The following TNFRSF6B variants were observed in gnomAD, a reference collection of about 807,000 sequenced individuals.
TNFRSF6B encodes tumor necrosis factor receptor superfamily member 6B.
A neutral mutation model predicts 17.9 loss-of-function variants in TNFRSF6B; 23 were observed. The ratio of observed to expected loss-of-function variants is 1.28; its 90% confidence interval spans 0.92 to 1.82. TNFRSF6B has a LOEUF of 1.82. TNFRSF6B is among the 40% of genes most tolerant of loss of function. TNFRSF6B has a pLI of 0.00. For synonymous variants in TNFRSF6B, 291 were observed against 195.8 expected (o/e 1.49, Z -4.06); for missense variants, 555 against 437.2 (o/e 1.27, Z -2.40).
rs757105777 is a variant in TNFRSF6B at position 63,697,034 on chromosome 20, C to T, written c.267C>T (p.Arg89=). 6 of 1,607,614 alleles carry T rather than the reference C, an allele frequency of 3.7e-6. No homozygotes were observed. The highest frequency in any genetic ancestry group is 3.4e-6 in the Non-Finnish European group (4 of 1,179,100). Residue 89 remains arginine, a synonymous_variant, in exon 1 of 3, where the codon CGC becomes CGT. Coordinates refer to ENST00000369996, the MANE Select transcript of TNFRSF6B (RefSeq NM_003823.4). ...TQFWNYLERC[R]YCNVLCGERE... ...TCTGGAACTACCTAGAGCGCTGCCGCTACTGCAACGTCCTCTGCGGGGAGC... is the reference window on the plus strand; with the variant it reads ...TCTGGAACTACCTAGAGCGCTGCCGTTACTGCAACGTCCTCTGCGGGGAGC...
Position 63,696,766 on chromosome 20 carries a change from C to T in TNFRSF6B, c.-2C>T. On this transcript the variant is annotated 5_prime_UTR_variant, in exon 1 of 3. Coordinates refer to ENST00000369996, the MANE Select transcript of TNFRSF6B (RefSeq NM_003823.4). Reference sequence around the variant, plus strand: ...CGCGCTCTCCCTGCTCCAGCAAGGACCATGAGGGCGCTGGAGGGGCCAGGC... The same window carrying T: ...CGCGCTCTCCCTGCTCCAGCAAGGATCATGAGGGCGCTGGAGGGGCCAGGC... 1 of 1,581,054 alleles carries T rather than the reference C, an allele frequency of 6.3e-7. No homozygotes were observed. The highest frequency in any genetic ancestry group is 8.6e-7 in the Non-Finnish European group (1 of 1,162,676).
Position 63,696,880 on chromosome 20 carries a change from G to A in TNFRSF6B, c.113G>A (p.Trp38Ter), listed in dbSNP as rs1048911626. The A allele has an allele frequency of 1.2e-6, 2 of 1,611,828 alleles. No homozygotes were observed. The highest frequency in any genetic ancestry group is 1.7e-6 in the Non-Finnish European group (2 of 1,179,488). Residue 38 changes from tryptophan (W) to a stop codon, truncating the protein, a stop_gained, in exon 1 of 3, where the codon TGG becomes TAG. Coordinates refer to ENST00000369996, the MANE Select transcript of TNFRSF6B (RefSeq NM_003823.4). LOFTEE classifies it high-confidence loss of function. ...GTGGCAGAAACACCCACCTACCCCTGGCGGGACGCAGAGACAGGGGAGCGG... is the reference window on the plus strand; with the variant it reads ...GTGGCAGAAACACCCACCTACCCCTAGCGGGACGCAGAGACAGGGGAGCGG... ...RGVAETPTYP[W>*]RDAETGERLV...
Position 63,697,159 on chromosome 20 carries a change from C to G in TNFRSF6B, c.392C>G (p.Ser131Trp), listed in dbSNP as rs1011672485. ...GCTGGTTTCTGCTTGGAGCACGCAT[C>G]GTGTCCACCTGGTGCCGGCGTGATT... ...AHAGFCLEHA[S>W]CPPGAGVIAP... The change falls in exon 1 of 3, where the codon TCG (serine) becomes TGG (tryptophan). Residue 131 changes from serine (S) to tryptophan (W), a missense_variant. Coordinates refer to ENST00000369996, the MANE Select transcript of TNFRSF6B (RefSeq NM_003823.4). The G allele has an allele frequency of 1.3e-6, 2 of 1,572,452 alleles. No homozygotes were observed. Among genetic ancestry groups the G allele is most frequent in the Admixed American group, 3.7e-5 (2 of 54,214 alleles).
In TNFRSF6B at chr20:63,697,329, C is replaced by T; in HGVS notation, c.426C>T (p.Gly142=). 1 of 1,601,034 alleles carries T rather than the reference C, an allele frequency of 6.2e-7. No homozygotes were observed. The highest frequency in any genetic ancestry group is 8.5e-7 in the Non-Finnish European group (1 of 1,176,304). ...CCTGTTCTTCCCTCCTGGCTGCAGG[C>T]ACCCCCAGCCAGAACACGCAGTGCC... ...CPPGAGVIAP[G]TPSQNTQCQP... The change falls in exon 2 of 3, where the codon GGC becomes GGT. Residue 142 remains glycine (G), a splice_region_variant and synonymous_variant. Coordinates refer to ENST00000369996, the MANE Select transcript of TNFRSF6B (RefSeq NM_003823.4).
At chr20:63,698,190 G>A (rs1016814428) in intron 2 of TNFRSF6B, 90 bp from the exon 3 acceptor site, 268 of 1,510,670 alleles carry the variant, frequency 1.8e-4, no homozygotes, top group Middle Eastern at 7.1e-4. Context: ...CAAACCCCCC[G>A]AGTGGGGCCC....
In TNFRSF6B at chr20:63,698,411, G is replaced by A. The variant is rs755157676; in HGVS notation, c.751G>A (p.Ala251Thr). The change falls in exon 3 of 3, where the codon GCG (alanine) becomes ACG (threonine). Residue 251 changes from alanine (A) to threonine (T), a missense_variant. Ala to Thr is a moderately conservative substitution (Grantham distance 58). Transcript: ENST00000369996. ...GGGTCCGACACCAAGGGCGGGCCGC[G>A]CGGCCTTGCAGCTGAAGCTGCGTCG... is the stretch of plus-strand genomic sequence containing the variant. ...GWGPTPRAGR[A>T]ALQLKLRRRL... The A allele has an allele frequency of 8.2e-6, 13 of 1,593,540 alleles. No homozygotes were observed. Among genetic ancestry groups the A allele is most frequent in the African/African-American group, 2.7e-5 (2 of 73,308 alleles).
chr20:63,698,672 C>T lies in TNFRSF6B; in HGVS notation c.*109C>T, dbSNP rs2091042753. The T allele has an allele frequency of 2.3e-6, 3 of 1,288,876 alleles. No individual in the cohort carries two copies. The highest frequency in any genetic ancestry group is 3.1e-5 in the East Asian group (1 of 32,160). The allele number at this position is 1,288,876 out of a possible 1,614,324, so 79.8% of individuals were successfully genotyped here. A position where few individuals can be genotyped will look rare whatever the true frequency, so the allele number is the denominator to read the frequency against. ...TTTCTTAAAGCTTATTTTTATAAAG[C>T]TTTTTCATAAAACTGGTTGTAGTTG... is the stretch of plus-strand genomic sequence containing the variant. On this transcript the variant is annotated 3_prime_UTR_variant, in exon 3 of 3. Transcript: ENST00000369996.
intron 2 of TNFRSF6B, 95 bp downstream of exon 2, chr20:63,697,617 C>T (rs2145490107): frequency 7.5e-7 from 1 of 1,335,482 alleles, no homozygotes; most frequent in East Asian, 2.6e-5. Flanking sequence ...TGAGGCATGC[C>T]AGCTGGCTCT....
rs762235799 is a variant in TNFRSF6B at position 63,696,962 on chromosome 20, C to T, written c.195C>T (p.Asp65=). 4.4e-6 allele frequency: 7 copies of T among 1,607,062 alleles called. No individual in the cohort carries two copies. Among genetic ancestry groups the T allele is most frequent in the African/African-American group, 1.3e-5 (1 of 74,398 alleles). ...TTGTGCAGCGGCCGTGCCGCCGAGACAGCCCCACGACGTGTGGCCCGTGTC... is the reference window on the plus strand; with the variant it reads ...TTGTGCAGCGGCCGTGCCGCCGAGATAGCCCCACGACGTGTGGCCCGTGTC... The part of the protein sequence containing the change: ...GTFVQRPCRR[D]SPTTCGPCPP... Residue 65 remains aspartate (D), a synonymous_variant, in exon 1 of 3, where the codon GAC becomes GAT. Transcript: ENST00000369996.
intron 1 of TNFRSF6B, 45 bp from the exon 2 acceptor site, chr20:63,697,283 T>C (rs1022996360): frequency 6.3e-7 from 1 of 1,583,044 alleles, no homozygotes; most frequent in Non-Finnish European, 8.6e-7. Flanking sequence ...CACCCTGAGC[T>C]AGGACACCAG....
intron 2 of TNFRSF6B, 152 bp downstream of exon 2, chr20:63,697,674 G>A (rs2091012114): frequency 3.5e-6 from 3 of 853,874 alleles, no homozygotes; most frequent in Non-Finnish European, 5.2e-6. Flanking sequence ...CCCTCCACTA[G>A]ATCCCCACCA....
Position 63,698,368 on chromosome 20 carries a change from C to G in TNFRSF6B, c.708C>G (p.Leu236=), listed in dbSNP as rs548373058. Residue 236 remains leucine (L), a synonymous_variant, in exon 3 of 3, where the codon CTC becomes CTG. Coordinates refer to ENST00000369996, the MANE Select transcript of TNFRSF6B (RefSeq NM_003823.4). ...GGCTGCAGCGGCTGCTGCAGGCCCT[C>G]GAGGCCCCGGAGGGCTGGGGTCCGA... ...IKRLQRLLQA[L]EAPEGWGPTP... The G allele has an allele frequency of 6.2e-7, 1 of 1,609,598 alleles. No individual in the cohort carries two copies. The highest frequency in any genetic ancestry group is 1.1e-5 in the South Asian group (1 of 90,900).
intron 1 of TNFRSF6B, 50 bp downstream of exon 1, chr20:63,697,241 T>C: frequency 6.5e-7 from 1 of 1,548,082 alleles, no homozygotes; most frequent in East Asian, 2.4e-5. Context: ...GCCGGAGGTG[T>C]GGCAGGGGTC....
At position 63,698,600 on chromosome 20, in the gene TNFRSF6B, C is replaced by T; in HGVS notation, c.*37C>T. The T allele has an allele frequency of 3.4e-6, 5 of 1,455,932 alleles. No homozygotes were observed. The highest frequency in any genetic ancestry group is 3.6e-6 in the Non-Finnish European group (4 of 1,106,512). 90.2% of individuals were successfully genotyped at this position (1,455,932 alleles called of 1,614,324 possible). A position where few individuals can be genotyped will look rare whatever the true frequency, so the allele number is the denominator to read the frequency against. ...TCTTATTTATTCTACATCCTTGGCA[C>T]CCCACTTGCACTGAAAGAGGCTTTT... On this transcript the variant is annotated 3_prime_UTR_variant, in exon 3 of 3. Coordinates refer to ENST00000369996, the MANE Select transcript of TNFRSF6B (RefSeq NM_003823.4).
In TNFRSF6B at chr20:63,697,187, C is replaced by T. The variant is rs1385919944; in HGVS notation, c.420C>T (p.Ala140=). The T allele has an allele frequency of 6.4e-6, 10 of 1,559,454 alleles. No individual in the cohort carries two copies. The highest frequency in any genetic ancestry group is 1.7e-4 in the Middle Eastern group (1 of 5,786). Residue 140 remains alanine (A), a synonymous_variant, in exon 1 of 3, where the codon GCC becomes GCT. Transcript: ENST00000369996. ...GTCCACCTGGTGCCGGCGTGATTGC[C>T]CCGGGTGAGAGCTGGGCGAGGGGAG... ...ASCPPGAGVI[A]PGTPSQNTQC... is the part of the protein sequence containing the mutation.
chr20:63,697,213 G>T (rs746318599), intron 1 of TNFRSF6B, 22 bp downstream of exon 1: 450 of 1,551,950 alleles, frequency 2.9e-4, no homozygotes, highest in Non-Finnish European at 3.8e-4. Context: ...GCGAGGGGAG[G>T]GGCCCCCAGG....
In TNFRSF6B at chr20:63,698,569, G is replaced by C. The variant is rs761858643; in HGVS notation, c.*6G>C. ...GCTTCCTCCCTGTGCACTGATCCTG[G>C]CCCCCTCTTATTTATTCTACATCCT... On this transcript the variant is annotated 3_prime_UTR_variant, in exon 3 of 3. Transcript: ENST00000369996. 1 of 1,483,814 alleles carries C rather than the reference G, an allele frequency of 6.7e-7. No homozygotes were observed. The highest frequency in any genetic ancestry group is 1.3e-5 in the South Asian group (1 of 74,176). 91.9% of individuals were successfully genotyped at this position (1,483,814 alleles called of 1,614,324 possible). A position where few individuals can be genotyped will look rare whatever the true frequency, so the allele number is the denominator to read the frequency against.
Position 63,698,401 on chromosome 20 carries a change from G to T in TNFRSF6B, c.741G>T (p.Arg247Ser), listed in dbSNP as rs1311088046. The change falls in exon 3 of 3, where the codon AGG becomes AGT. Residue 247 changes from arginine (R) to serine (S), a missense_variant. Coordinates refer to ENST00000369996, the MANE Select transcript of TNFRSF6B (RefSeq NM_003823.4). ...EAPEGWGPTP[R>S]AGRAALQLKL... is the part of the protein sequence containing the mutation. The stretch of plus-strand genomic sequence containing the variant: ...CGGAGGGCTGGGGTCCGACACCAAG[G>T]GCGGGCCGCGCGGCCTTGCAGCTGA... 1 of 1,599,630 alleles carries T rather than the reference G, an allele frequency of 6.3e-7. No individual in the cohort carries two copies. The highest frequency in any genetic ancestry group is 8.5e-7 in the Non-Finnish European group (1 of 1,174,868).
chr20:63,696,810 GTGT>G lies in TNFRSF6B; in HGVS notation c.46_48del (p.Leu16del). 6.2e-7 allele frequency: 1 copy of G among 1,608,678 alleles called. No individual in the cohort carries two copies. Among genetic ancestry groups the G allele is most frequent in the Non-Finnish European group, 8.5e-7 (1 of 1,178,062 alleles). On this transcript the variant is annotated inframe_deletion, in exon 1 of 3. Transcript: ENST00000369996. ...GCCAGGCCTGTCGCTGCTGTGCCTG[GTGT>G]TGGCGCTGCCTGCCCTGCTGCCGGT...
Sources: allele counts gnomAD v4.1 joint callset, GRCh38; gene constraint gnomAD v4.1.1; transcripts MANE v1.5; gene names NCBI Gene and HGNC (gene_info 2026-07-23, HGNC 2026-07-21).